RPL37: variants seen among roughly 807,000 people sequenced by gnomAD.
RPL37 encodes the protein ribosomal protein L37, also known as large ribosomal subunit protein eL37.
In RPL37, 1 loss-of-function variant was observed where a neutral mutation model predicts 14.8. That is an observed-to-expected ratio of 0.07 (90% CI 0.02 to 0.32). The LOEUF (loss-of-function observed/expected upper bound fraction) is 0.32, where lower values mean the gene tolerates loss of function less well. Among genes scored for constraint, RPL37 ranks in the 10% least tolerant of loss-of-function variants. The pLI, the probability that RPL37 is intolerant of heterozygous loss-of-function variation, is 1.00. For missense variants in RPL37, 100 were observed against 128.3 expected (o/e 0.78, Z 1.06); for synonymous variants, 53 against 45.8 (o/e 1.16, Z -0.63).
rs1476868537 is a variant in RPL37, at chr5:40,829,826, C to G, written c.*2678G>C. 6.6e-6 allele frequency: 1 copy of G among 152,094 alleles called. No homozygotes were observed. Among genetic ancestry groups the G allele is most frequent in the Non-Finnish European group, 1.5e-5 (1 of 68,078 alleles). 9.4% of individuals were successfully genotyped at this position (152,094 alleles called of 1,614,324 possible). ...TAGCTGGGATTACAGGCATGCACCA[C>G]CACGCCCGGCTAATATTTTTGTATT... On this transcript the variant is annotated 3_prime_UTR_variant, in exon 4 of 4. Transcript: ENST00000274242.
Position 40,826,294 on chromosome 5 carries a change from C to T in RPL37, c.*6210G>A, listed in dbSNP as rs1202313545. 6.6e-6 allele frequency: 1 copy of T among 152,108 alleles called. No homozygotes were observed. The highest frequency in any genetic ancestry group is 6.6e-5 in the Admixed American group (1 of 15,266). 9.4% of individuals were successfully genotyped at this position (152,108 alleles called of 1,614,324 possible). On this transcript the variant is annotated 3_prime_UTR_variant, in exon 4 of 4. Coordinates refer to ENST00000274242, the MANE Select transcript of RPL37 (RefSeq NM_000997.5). ...CTATCAAAAGTCTCACACACACACA[C>T]AACCCAAAGAAAACATATCCAAGAA...
At position 40,827,376 on chromosome 5, in the gene RPL37, T is replaced by G. The variant is rs1745540549; in HGVS notation, c.*5128A>C. ...GTGCCCTCCACTGCCAGCTTGCAGT[T>G]TAAAGCACACCCAAGCTATAATTAA... On this transcript the variant is annotated 3_prime_UTR_variant, in exon 4 of 4. Coordinates refer to ENST00000274242, the MANE Select transcript of RPL37 (RefSeq NM_000997.5). 6.6e-6 allele frequency: 1 copy of G among 152,190 alleles called. No homozygotes were observed. Among genetic ancestry groups the G allele is most frequent in the Non-Finnish European group, 1.5e-5 (1 of 68,038 alleles). The allele number at this position is 152,190 out of a possible 1,614,324, so 9.4% of individuals were successfully genotyped here.
rs1745518761 is a variant in RPL37, at chr5:40,826,394, T to C, written c.*6110A>G. ...TCCCAGCCCTCCCATGTAAGACTGG[T>C]CATTTTTTAGAATCCTCAGCCATAT... On this transcript the variant is annotated 3_prime_UTR_variant, in exon 4 of 4. Transcript: ENST00000274242. 1 of 152,148 alleles carries C rather than the reference T, an allele frequency of 6.6e-6. No individual in the cohort carries two copies. Among genetic ancestry groups the C allele is most frequent in the Non-Finnish European group, 1.5e-5 (1 of 68,026 alleles). The allele number at this position is 152,148 out of a possible 1,614,324, so 9.4% of individuals were successfully genotyped here. A position where few individuals can be genotyped will look rare whatever the true frequency, so the allele number is the denominator to read the frequency against.
In RPL37 at chr5:40,834,241, C is replaced by G; in HGVS notation, c.164G>C (p.Arg55Thr). Residue 55 changes from arginine to threonine, a missense_variant, in exon 3 of 4, where the codon AGA becomes ACA. Coordinates refer to ENST00000274242, the MANE Select transcript of RPL37 (RefSeq NM_000997.5). ...RKYNWSAKAKRRNTTGTGRMR... is the reference protein window; with the variant it reads ...RKYNWSAKAKTRNTTGTGRMR... ...TCGACCAGTTCCGGTGGTATTTCGT[C>G]TTTTAGCCTTGGCACTCCAGTTATC... 6.2e-7 allele frequency: 1 copy of G among 1,614,110 alleles called. No homozygotes were observed. Among genetic ancestry groups the G allele is most frequent in the Non-Finnish European group, 8.5e-7 (1 of 1,179,988 alleles).
Position 40,825,552 on chromosome 5 carries a change from T to G in RPL37, c.*6952A>C, listed in dbSNP as rs918258984. On this transcript the variant is annotated 3_prime_UTR_variant, in exon 4 of 4. Coordinates refer to ENST00000274242, the MANE Select transcript of RPL37 (RefSeq NM_000997.5). ...TCTCCTCTCTTGGGGAGCTGCTGCT[T>G]CTCTGTAGGTTGCTTCCCTGTGACG... is the stretch of plus-strand genomic sequence containing the variant. 1 of 152,312 alleles carries G rather than the reference T, an allele frequency of 6.6e-6. No individual in the cohort carries two copies. The highest frequency in any genetic ancestry group is 6.5e-5 in the Admixed American group (1 of 15,276). 9.4% of individuals were successfully genotyped at this position (152,312 alleles called of 1,614,324 possible).
rs1010705057 is a variant in RPL37, at chr5:40,830,246, A to C, written c.*2258T>G. On this transcript the variant is annotated 3_prime_UTR_variant, in exon 4 of 4. Transcript: ENST00000274242. ...AAGCATAATTTCTGCTGAAAAATTT[A>C]AAGTATAATGGGTATCTATACATAA... is the stretch of plus-strand genomic sequence containing the variant. The C allele has an allele frequency of 6.6e-6, 1 of 152,180 alleles. No individual in the cohort carries two copies. The highest frequency in any genetic ancestry group is 2.4e-5 in the African/African-American group (1 of 41,440). 9.4% of individuals were successfully genotyped at this position (152,180 alleles called of 1,614,324 possible).
At chr5:40,833,998 T>C (rs1745703609) in intron 3 of RPL37, 183 bp downstream of exon 3, 1 of 588,398 alleles carries the variant, frequency 1.7e-6, no homozygotes, top group African/African-American at 1.9e-5. Context: ...TGAGCCGTGA[T>C]CGTGCCACTA....
At chr5:40,832,842 G>A (rs1367498598) in intron 3 of RPL37, 2 of 468,420 alleles carry the variant, frequency 4.3e-6, no homozygotes, top group African/African-American at 2.0e-5. Context: ...GGGCCAGTAT[G>A]TTTGTTCATA....
At chr5:40,834,040 G>A (rs1745705006) in intron 3 of RPL37, 141 bp downstream of exon 3, 1 of 659,902 alleles carries the variant, frequency 1.5e-6, no homozygotes, top group Non-Finnish European at 2.7e-6. Flanking sequence ...GTGAAACCCT[G>A]CCTCAAAAAC....
intron 1 of RPL37, chr5:40,834,930 C>A: frequency 1.6e-6 from 1 of 620,558 alleles, no homozygotes; most frequent in South Asian, 2.0e-5. Context: ...AAGGCTAGAG[C>A]CGTGAAAGGT....
chr5:40,831,524 C>A lies in RPL37; in HGVS notation c.*980G>T, dbSNP rs1365031792. 6.6e-6 allele frequency: 1 copy of A among 152,312 alleles called. No homozygotes were observed. The highest frequency in any genetic ancestry group is 1.5e-5 in the Non-Finnish European group (1 of 68,024). 9.4% of individuals were successfully genotyped at this position (152,312 alleles called of 1,614,324 possible). ...CAGGTTAAGAACCTCAGATGTTATTCTAAACACAGTGGAGAATTATAATTT... is the reference window on the plus strand; with the variant it reads ...CAGGTTAAGAACCTCAGATGTTATTATAAACACAGTGGAGAATTATAATTT... On this transcript the variant is annotated 3_prime_UTR_variant, in exon 4 of 4. Transcript: ENST00000274242.
rs987860676 is a variant in RPL37 at position 40,830,177 on chromosome 5, T to G, written c.*2327A>C. 8.6e-5 allele frequency: 13 copies of G among 152,008 alleles called. No homozygotes were observed. Among genetic ancestry groups the G allele is most frequent in the African/African-American group, 3.1e-4 (13 of 41,352 alleles). The allele number at this position is 152,008 out of a possible 1,614,324, so 9.4% of individuals were successfully genotyped here. A position where few individuals can be genotyped will look rare whatever the true frequency, so the allele number is the denominator to read the frequency against. Reference sequence around the variant, plus strand: ...GATGGGGTACTTAGGAAAAATAAATTTAACATTTTTGCACACCAACATATA... The same window carrying G: ...GATGGGGTACTTAGGAAAAATAAATGTAACATTTTTGCACACCAACATATA... On this transcript the variant is annotated 3_prime_UTR_variant, in exon 4 of 4. Coordinates refer to ENST00000274242, the MANE Select transcript of RPL37 (RefSeq NM_000997.5).
rs1045181086 is a variant in RPL37 at position 40,825,326 on chromosome 5, CAAAG to C, written c.*7174_*7177del. On this transcript the variant is annotated 3_prime_UTR_variant, in exon 4 of 4. Transcript: ENST00000274242. Reference sequence around the variant, plus strand: ...GCAACACTGTCAGCATCTTTATTACCAAAGAAATACATAACTTTAACAGATAATC... The same window carrying C: ...GCAACACTGTCAGCATCTTTATTACCAAATACATAACTTTAACAGATAATC... The C allele has an allele frequency of 5.6e-5, 8 of 142,990 alleles. No homozygotes were observed. The highest frequency in any genetic ancestry group is 3.7e-4 in the Admixed American group (5 of 13,564). 8.9% of individuals were successfully genotyped at this position (142,990 alleles called of 1,614,324 possible).
intron 3 of RPL37, 145 bp downstream of exon 3, chr5:40,834,036 C>A (rs886072034): frequency 7.7e-6 from 5 of 652,112 alleles, no homozygotes; most frequent in African/African-American, 1.8e-5. Flanking sequence ...CATAGTGAAA[C>A]CCTGCCTCAA....
chr5:40,834,967 A>T, intron 1 of RPL37: 1 of 666,868 alleles, frequency 1.5e-6, no homozygotes, highest in Non-Finnish European at 2.6e-6. Flanking sequence ...GAGGCAAAGG[A>T]CACAATGCGG....
At chr5:40,833,924 G>A (rs1268114288) in intron 3 of RPL37, 4 of 472,508 alleles carry the variant, frequency 8.5e-6, no homozygotes, top group South Asian at 2.3e-5. Flanking sequence ...GCGCACACCT[G>A]TAGTCCCGGG....
rs546993126 is a variant in RPL37, at chr5:40,831,096, T to C, written c.*1408A>G. The C allele has an allele frequency of 1.3e-5, 2 of 152,054 alleles. No individual in the cohort carries two copies. Among genetic ancestry groups the C allele is most frequent in the Admixed American group, 1.3e-4 (2 of 15,278 alleles). The allele number at this position is 152,054 out of a possible 1,614,324, so 9.4% of individuals were successfully genotyped here. A position where few individuals can be genotyped will look rare whatever the true frequency, so the allele number is the denominator to read the frequency against. ...GTCTCTACTAAGAATACAAAAAGAA[T>C]TAGTCGAGTGAATCTCCATCTCTAC... On this transcript the variant is annotated 3_prime_UTR_variant, in exon 4 of 4. Transcript: ENST00000274242.
intron 3 of RPL37, among the ~76,000 whole-genome samples, chr5:40,833,149 T>C (rs531830575): frequency 4.6e-5 from 7 of 152,338 alleles, no homozygotes; most frequent in African/African-American, 1.7e-4. Context: ...TGACCCTAAA[T>C]GCAAAGAAAG....
chr5:40,827,624 C>A lies in RPL37; in HGVS notation c.*4880G>T, dbSNP rs1344692586. 1 of 152,142 alleles carries A rather than the reference C, an allele frequency of 6.6e-6. No homozygotes were observed. The highest frequency in any genetic ancestry group is 1.5e-5 in the Non-Finnish European group (1 of 68,030). The allele number at this position is 152,142 out of a possible 1,614,324, so 9.4% of individuals were successfully genotyped here. A position where few individuals can be genotyped will look rare whatever the true frequency, so the allele number is the denominator to read the frequency against. On this transcript the variant is annotated 3_prime_UTR_variant, in exon 4 of 4. Coordinates refer to ENST00000274242, the MANE Select transcript of RPL37 (RefSeq NM_000997.5). ...ATCTGAATCCAATCCACACACGATG[C>A]TTATTCTACATACTCGTGTACATGA... is the stretch of plus-strand genomic sequence containing the variant.
Sources: allele counts gnomAD v4.1 joint callset (sites outside exome capture counted in the v4.1 genomes callset), GRCh38; gene constraint gnomAD v4.1.1; transcripts MANE v1.5; gene names NCBI Gene and HGNC (gene_info 2026-07-23, HGNC 2026-07-21).